Variants in LRMDA observed in about 807,000 individuals in gnomAD.
LRMDA encodes leucine-rich melanocyte differentiation-associated protein.
LRMDA carries 18 observed loss-of-function variants against 29.8 expected under a neutral mutation model. The ratio of observed to expected loss-of-function variants is 0.60; its 90% CI spans 0.42 to 0.90. LRMDA has a LOEUF of 0.90. LRMDA is among the 40% of genes least tolerant of loss of function. The pLI is 0.00. For missense variants in LRMDA, 273 were observed against 273.9 expected, an observed-to-expected ratio of 1.00 and a Z score of 0.02; for synonymous variants, 125 against 109.4, an observed-to-expected ratio of 1.14 and a Z score of -0.89.
At chr10:76,425,963 G>A (rs1842120910) in intron 6 of LRMDA, among the ~76,000 whole-genome samples, 1 of 152,116 alleles carries the variant, frequency 6.6e-6, no homozygotes, top group African/African-American at 2.4e-5. Context: ...AGTATTCCAT[G>A]GTGTATATGT....
chr10:76,489,118 A>G (rs951696509), intron 6 of LRMDA, among the ~76,000 whole-genome samples: 1 of 151,950 alleles, frequency 6.6e-6, no homozygotes, highest in African/African-American at 2.4e-5. Context: ...TATTTGATAG[A>G]ATTCAGCAGT....
intron 2 of LRMDA, among the ~76,000 whole-genome samples, chr10:75,532,389 G>C (rs1161680159): frequency 1.3e-5 from 2 of 152,088 alleles, no homozygotes; most frequent in African/African-American, 4.8e-5. Context: ...AGCATTTGGG[G>C]TTCTGAGTCC....
rs1842877097 is a variant in LRMDA at position 76,495,864 on chromosome 10, T to C, written c.602-61345T>C. On this transcript the variant is annotated intron_variant, in intron 6 of 6. Transcript: ENST00000611255. ...ATTTGTTTGTATTAATCTTGTGTCCTGACACCTTATTGAACTTGCTTATTA... is the reference window on the plus strand; with the variant it reads ...ATTTGTTTGTATTAATCTTGTGTCCCGACACCTTATTGAACTTGCTTATTA... Among the ~76,000 whole-genome samples the C allele has an allele frequency of 2.5e-5, 2 of 78,608 alleles. 1 individual carries two copies. 51.6% of individuals were successfully genotyped at this position (78,608 alleles called of 152,430 possible).
Position 76,266,485 on chromosome 10 carries a change from C to T in LRMDA, c.517-57916C>T, listed in dbSNP as rs557946197. ...TGTTTATAGAATATTTGCTATATGC[C>T]GTAATATTGTGCTCTTCATCATATT... On this transcript the variant is annotated intron_variant, in intron 5 of 6. Transcript: ENST00000611255. Among the ~76,000 whole-genome samples, 6 of 152,126 alleles carry T rather than the reference C, an allele frequency of 3.9e-5. No individual in the cohort carries two copies. The East Asian group carries it at 9.7e-4, about 25-fold the overall frequency.
intron 2 of LRMDA, among the ~76,000 whole-genome samples, chr10:75,562,558 T>C (rs1055950558): frequency 1.3e-5 from 2 of 152,142 alleles, no homozygotes; most frequent in African/African-American, 4.8e-5. Context: ...ATGTGTGAAT[T>C]TGAACCTGTC....
intron 2 of LRMDA, among the ~76,000 whole-genome samples, chr10:75,718,445 A>G (rs113912646): frequency 2.6e-5 from 4 of 152,220 alleles, no homozygotes; most frequent in African/African-American, 9.6e-5. Context: ...CCAGGACCGA[A>G]TGAAGTCTTG....
intron 2 of LRMDA, among the ~76,000 whole-genome samples, chr10:75,533,989 G>A (rs899068431): frequency 6.6e-6 from 1 of 152,196 alleles, no homozygotes; most frequent in Non-Finnish European, 1.5e-5. Flanking sequence ...TGTTAGGGTA[G>A]CGTTCGGGGC....
At chr10:76,382,516 T>C (rs1276950534) in intron 6 of LRMDA, among the ~76,000 whole-genome samples, 1 of 152,174 alleles carries the variant, frequency 6.6e-6, no homozygotes. Context: ...TGGTAAAGCA[T>C]TGTGAATGAA....
intron 6 of LRMDA, among the ~76,000 whole-genome samples, chr10:76,450,263 C>G (rs1356612467): frequency 6.6e-6 from 1 of 152,056 alleles, no homozygotes; most frequent in Non-Finnish European, 1.5e-5. Context: ...CAAATCGTTT[C>G]ATTGTCTTCT....
intron 2 of LRMDA, among the ~76,000 whole-genome samples, chr10:75,625,733 A>G (rs1841241851): frequency 2.0e-5 from 3 of 152,212 alleles, no homozygotes; most frequent in Middle Eastern, 6.8e-3. Flanking sequence ...CTCTCATCCT[A>G]TCCCCCCACA....
intron 2 of LRMDA, among the ~76,000 whole-genome samples, chr10:75,524,714 A>G (rs1438113468): frequency 1.3e-5 from 2 of 152,220 alleles, no homozygotes; most frequent in African/African-American, 2.4e-5. Flanking sequence ...AGAAAGAAAG[A>G]TGAATAAACA....
chr10:75,943,501 C>G (rs1191761022), intron 2 of LRMDA, among the ~76,000 whole-genome samples: 1 of 152,150 alleles, frequency 6.6e-6, no homozygotes, highest in Non-Finnish European at 1.5e-5. Context: ...TTTATTCTTA[C>G]TTTTATGTCA....
At chr10:76,376,318 A>G (rs1841517144) in intron 6 of LRMDA, among the ~76,000 whole-genome samples, 1 of 152,172 alleles carries the variant, frequency 6.6e-6, no homozygotes, top group Non-Finnish European at 1.5e-5. Flanking sequence ...TGCAGAAAAC[A>G]TAATTTCATT....
rs139568006 is a variant in LRMDA at position 76,343,940 on chromosome 10, C to T, written c.601+19455C>T. The stretch of plus-strand genomic sequence containing the variant: ...TCAAGAAATTCCCCTGCCTCAGTCT[C>T]CTGAGTAGCTGGGATTACAGACCCG... On this transcript the variant is annotated intron_variant, in intron 6 of 6. Coordinates refer to ENST00000611255, the MANE Select transcript of LRMDA (RefSeq NM_001305581.2). 5.9e-5 allele frequency among the ~76,000 whole-genome samples: 9 copies of T among 151,708 alleles called. 1 individual carries two copies. The highest frequency in any genetic ancestry group is 2.2e-4 in the African/African-American group (9 of 41,344).
At chr10:75,559,225 T>G (rs1840258149) in intron 2 of LRMDA, among the ~76,000 whole-genome samples, 2 of 152,226 alleles carry the variant, frequency 1.3e-5, no homozygotes, top group Admixed American at 6.5e-5. Flanking sequence ...ATCGCCATTC[T>G]AACTGGTGTG....
At chr10:75,648,404 C>A (rs755157481) in intron 2 of LRMDA, among the ~76,000 whole-genome samples, 14 of 152,250 alleles carry the variant, frequency 9.2e-5, no homozygotes, top group East Asian at 1.9e-4. Context: ...AAAGAAAACC[C>A]GGGAAAAGTG....
intron 2 of LRMDA, among the ~76,000 whole-genome samples, chr10:75,949,234 A>T (rs560580958): frequency 6.6e-6 from 1 of 152,276 alleles, no homozygotes; most frequent in East Asian, 1.9e-4. Flanking sequence ...CTTGCAAAAA[A>T]GGTTTGTCGT....
intron 2 of LRMDA, among the ~76,000 whole-genome samples, chr10:75,991,522 C>T (rs1006740600): frequency 6.6e-6 from 1 of 152,158 alleles, no homozygotes; most frequent in African/African-American, 2.4e-5. Context: ...GAAGGAATCT[C>T]AAGGAGCATC....
At chr10:75,646,278 A>G (rs1841519962) in intron 2 of LRMDA, among the ~76,000 whole-genome samples, 1 of 152,204 alleles carries the variant, frequency 6.6e-6, no homozygotes, top group Non-Finnish European at 1.5e-5. Context: ...CTTGGCACAG[A>G]GAGACATGAT....
Sources: gnomAD v4.1 joint callset for allele counts (sites outside exome capture counted in the v4.1 genomes callset) on GRCh38, gnomAD v4.1.1 for gene constraint, MANE v1.5 for transcripts, NCBI Gene and HGNC (gene_info 2026-07-23, HGNC 2026-07-21) for gene names.